The following KCTD8 variants were observed in gnomAD, a reference collection of about 807,000 sequenced individuals.
KCTD8 encodes BTB/POZ domain-containing protein KCTD8.
In KCTD8, 27 loss-of-function variants were observed where a neutral mutation model predicts 31.5. That is an observed-to-expected ratio of 0.86 (90% CI 0.63 to 1.18). KCTD8 has a LOEUF of 1.18. Among genes scored for constraint, KCTD8 ranks in the 50% most tolerant of loss-of-function variants. The pLI is 0.00. For missense variants in KCTD8, 658 were observed against 647.7 expected, an observed-to-expected ratio of 1.02 and a Z score of -0.17; for synonymous variants, 290 against 280.0, an observed-to-expected ratio of 1.04 and a Z score of -0.36.
chr4:44,234,494 G>A (rs1465619716), intron 1 of KCTD8, among the ~76,000 whole-genome samples: 1 of 152,174 alleles, frequency 6.6e-6, no homozygotes, highest in African/African-American at 2.4e-5. Context: ...GAAGAATACA[G>A]GAAAGTAGGA....
intron 1 of KCTD8, among the ~76,000 whole-genome samples, chr4:44,247,405 C>A (rs927465045): frequency 6.6e-6 from 1 of 151,798 alleles, no homozygotes; most frequent in Non-Finnish European, 1.5e-5. Context: ...TGTTCATTCA[C>A]CCCCCTAAAA....
rs1016515922 is a variant in KCTD8, at chr4:44,182,859, C to T, written c.962-7609G>A. Among the ~76,000 whole-genome samples, 8 of 152,234 alleles carry T rather than the reference C, an allele frequency of 5.3e-5. No homozygotes were observed. The South Asian group carries it at 1.7e-3, about 32-fold the overall frequency. On this transcript the variant is annotated intron_variant, in intron 1 of 1. Coordinates refer to ENST00000360029, the MANE Select transcript of KCTD8 (RefSeq NM_198353.3). ...AAGCAAGTTGCTTACTTTCCTTGGG[C>T]CTCAGTCTCCTCATGTTTAAACGTC... is the stretch of plus-strand genomic sequence containing the variant.
intron 1 of KCTD8, among the ~76,000 whole-genome samples, chr4:44,441,813 G>A (rs538741674): frequency 1.1e-4 from 17 of 152,280 alleles, no homozygotes; most frequent in African/African-American, 4.1e-4. Context: ...CAATAAATGT[G>A]ATAGTAAATT....
intron 1 of KCTD8, among the ~76,000 whole-genome samples, chr4:44,230,095 A>C (rs780190772): frequency 3.9e-5 from 6 of 152,090 alleles, no homozygotes; most frequent in Non-Finnish European, 7.4e-5. Flanking sequence ...TTTCTGGCTT[A>C]TGCCCCTCAG....
intron 1 of KCTD8, among the ~76,000 whole-genome samples, chr4:44,276,236 G>A (rs1716746929): frequency 6.6e-6 from 1 of 151,964 alleles, no homozygotes; most frequent in African/African-American, 2.4e-5. Context: ...ACTCCTCCCT[G>A]AAAACACTTT....
intron 1 of KCTD8, among the ~76,000 whole-genome samples, chr4:44,323,100 T>C (rs1423102974): frequency 6.6e-6 from 1 of 152,116 alleles, no homozygotes. Context: ...AATTTTAAGA[T>C]GACCTTTTTC....
At chr4:44,337,471 C>T (rs1286763508) in intron 1 of KCTD8, among the ~76,000 whole-genome samples, 5 of 151,776 alleles carry the variant, frequency 3.3e-5, no homozygotes, top group South Asian at 2.1e-4. Context: ...GTCAGGAGTT[C>T]GAGACCAGCT....
At chr4:44,409,079 C>CA (rs1436096724) in intron 1 of KCTD8, among the ~76,000 whole-genome samples, 4 of 151,518 alleles carry the variant, frequency 2.6e-5, no homozygotes, top group African/African-American at 7.3e-5. Flanking sequence ...CCCATCTCTA[C>CA]AAAAAAATCC....
At chr4:44,290,135 T>C (rs1308205435) in intron 1 of KCTD8, among the ~76,000 whole-genome samples, 3 of 151,504 alleles carry the variant, frequency 2.0e-5, no homozygotes, top group African/African-American at 7.3e-5. Context: ...ACCATACAAA[T>C]GAAAAACAAT....
intron 1 of KCTD8, among the ~76,000 whole-genome samples, chr4:44,311,790 G>A (rs1019961367): frequency 6.6e-6 from 1 of 151,238 alleles, no homozygotes; most frequent in East Asian, 1.9e-4. Flanking sequence ...TGATTGGATC[G>A]AAAAAGCAGA....
chr4:44,374,477 G>A (rs968539511), intron 1 of KCTD8, among the ~76,000 whole-genome samples: 1 of 152,182 alleles, frequency 6.6e-6, no homozygotes, highest in African/African-American at 2.4e-5. Context: ...ATCATTGTGT[G>A]TTCACTGGTG....
chr4:44,287,875 G>T (rs1228645852), intron 1 of KCTD8, among the ~76,000 whole-genome samples: 1 of 152,078 alleles, frequency 6.6e-6, no homozygotes, highest in African/African-American at 2.4e-5. Flanking sequence ...TTATGTTTCT[G>T]CATTCATTCA....
intron 1 of KCTD8, among the ~76,000 whole-genome samples, chr4:44,408,423 A>T (rs1371587174): frequency 6.6e-6 from 1 of 152,176 alleles, no homozygotes; most frequent in South Asian, 2.1e-4. Context: ...GATAATCTAT[A>T]CCTGAGATAT....
rs1413863289 is a variant in KCTD8 at position 44,278,369 on chromosome 4, T to C, written c.962-103119A>G. Among the ~76,000 whole-genome samples, 5 of 152,178 alleles carry C rather than the reference T, an allele frequency of 3.3e-5. No homozygotes were observed. The East Asian group carries it at 9.7e-4, about 29-fold the overall frequency. On this transcript the variant is annotated intron_variant, in intron 1 of 1. Coordinates refer to ENST00000360029, the MANE Select transcript of KCTD8 (RefSeq NM_198353.3). ...TCCTTTCCTAACCCCACTTTCTGTC[T>C]ATTCCTGTGGCAGGAAAAGAAAAAC... is the stretch of plus-strand genomic sequence containing the variant.
intron 1 of KCTD8, among the ~76,000 whole-genome samples, chr4:44,388,325 A>G (rs1434382810): frequency 1.3e-5 from 2 of 151,970 alleles, no homozygotes; most frequent in Non-Finnish European, 2.9e-5. Flanking sequence ...AGACAGAACT[A>G]CCATTTGTCC....
At chr4:44,225,704 TTTTAC>T (rs1214287074) in intron 1 of KCTD8, among the ~76,000 whole-genome samples, 13 of 152,216 alleles carry the variant, frequency 8.5e-5, no homozygotes, top group African/African-American at 2.9e-4. Context: ...ATATTTTTAA[TTTTAC>T]TTTAAGTTTT....
chr4:44,264,595 C>G (rs904448252), intron 1 of KCTD8, among the ~76,000 whole-genome samples: 1 of 152,138 alleles, frequency 6.6e-6, no homozygotes, highest in Non-Finnish European at 1.5e-5. Context: ...TTGCCTCACT[C>G]GGGAAGCGCA....
rs372177764 is a variant in KCTD8 at position 44,330,743 on chromosome 4, A to T, written c.961+116820T>A. ...AAAAATTAAATGAAGTACTATATGTAAAGCTCAAAGCAGATAGTAAAAGTA... is the reference window on the plus strand; with the variant it reads ...AAAAATTAAATGAAGTACTATATGTTAAGCTCAAAGCAGATAGTAAAAGTA... On this transcript the variant is annotated intron_variant, in intron 1 of 1. Coordinates refer to ENST00000360029, the MANE Select transcript of KCTD8 (RefSeq NM_198353.3). Among the ~76,000 whole-genome samples, 69 of 152,114 alleles carry T rather than the reference A, an allele frequency of 4.5e-4. 1 individual carries two copies. The East Asian group carries it at 8.9e-3, about 20-fold the overall frequency.
chr4:44,448,581 C>T lies in KCTD8; in HGVS notation c.-58G>A, dbSNP rs1351992791. On this transcript the variant is annotated 5_prime_UTR_variant, in exon 1 of 2. Coordinates refer to ENST00000360029, the MANE Select transcript of KCTD8 (RefSeq NM_198353.3). The surrounding 1 kb of genome is among the most constrained non-coding windows in gnomAD (Gnocchi z 4.1). Reference sequence around the variant, plus strand: ...GAGCTGCACTTTCTCGTTCCCGGAGCCCGCGCCCCAGCCCTCCGCGTGCTC... The same window carrying T: ...GAGCTGCACTTTCTCGTTCCCGGAGTCCGCGCCCCAGCCCTCCGCGTGCTC... 11 of 1,384,586 alleles carry T rather than the reference C, an allele frequency of 7.9e-6. No individual in the cohort carries two copies. In the Admixed American group the frequency reaches 2.1e-4, roughly 26 times the overall value. 85.8% of individuals were successfully genotyped at this position (1,384,586 alleles called of 1,614,324 possible).
Sources: allele counts gnomAD v4.1 joint callset (sites outside exome capture counted in the v4.1 genomes callset), GRCh38; gene constraint gnomAD v4.1.1; non-coding constraint Gnocchi (gnomAD v3.1); transcripts MANE v1.5; gene names NCBI Gene and HGNC (gene_info 2026-07-23, HGNC 2026-07-21).